The following SUGCT variants were observed in gnomAD, a reference collection of about 807,000 sequenced individuals.
SUGCT encodes the protein succinyl-CoA:glutarate-CoA transferase, also known as succinyl-CoA:glutarate CoA-transferase.
In SUGCT, 41 loss-of-function variants were observed where a neutral mutation model predicts 55.0. The ratio of observed to expected loss-of-function variants is 0.74; its 90% CI spans 0.58 to 0.97. The LOEUF (loss-of-function observed/expected upper bound fraction) is 0.97. Ranked by LOEUF, SUGCT falls within the 50% of genes least tolerant of loss-of-function variation. SUGCT has a pLI of 0.00. For synonymous variants in SUGCT, 187 were observed against 200.4 expected (o/e 0.93, Z 0.56); for missense variants, 568 against 547.8 (o/e 1.04, Z -0.37).
intron 1 of SUGCT, among the ~76,000 whole-genome samples, chr7:40,174,880 A>G (rs745864774): frequency 2.0e-5 from 3 of 152,220 alleles, no homozygotes; most frequent in African/African-American, 4.8e-5. Flanking sequence ...TCCACAATGT[A>G]TGAAAGTGTC....
At chr7:40,409,367 G>A (rs550449446) in intron 9 of SUGCT, among the ~76,000 whole-genome samples, 1 of 152,104 alleles carries the variant, frequency 6.6e-6, no homozygotes, top group Admixed American at 6.6e-5. Context: ...GGGCTCAAGT[G>A]ATCCTCCCAC....
chr7:40,684,118 T>A lies in SUGCT; in HGVS notation c.1090-65316T>A, dbSNP rs1048311055. 1.2e-6 allele frequency: 2 copies of A among 1,610,030 alleles called. No homozygotes were observed. Among genetic ancestry groups the A allele is most frequent in the Admixed American group, 1.7e-5 (1 of 59,450 alleles). On this transcript the variant is annotated intron_variant, in intron 12 of 13. Coordinates refer to ENST00000335693, the MANE Select transcript of SUGCT (RefSeq NM_001193313.2). Reference sequence around the variant, plus strand: ...TGGCCCATGGCCCCTTCCTTCATCTTCAAGGATCAGCAAGGGTGAGTTGAG... The same window carrying A: ...TGGCCCATGGCCCCTTCCTTCATCTACAAGGATCAGCAAGGGTGAGTTGAG...
chr7:40,632,108 T>G (rs1288933078), intron 12 of SUGCT, among the ~76,000 whole-genome samples: 4 of 152,176 alleles, frequency 2.6e-5, no homozygotes, highest in African/African-American at 9.7e-5. Context: ...TTATACATAC[T>G]GTGTCCACCA....
At chr7:41,034,423 C>T in the SUGCT span, among the ~76,000 whole-genome samples, 3 of 152,048 alleles carry the variant, frequency 2.0e-5, no homozygotes, top group Non-Finnish European at 4.4e-5. Context: ...TGTTTAGAGC[C>T]GAGTCTGAGC....
chr7:40,519,040 A>G (rs1388167345), intron 12 of SUGCT, among the ~76,000 whole-genome samples: 1 of 152,112 alleles, frequency 6.6e-6, no homozygotes, highest in East Asian at 1.9e-4. Flanking sequence ...TAAGACACCA[A>G]TATCATGTAT....
chr7:40,645,126 A>G (rs944190832), intron 12 of SUGCT, among the ~76,000 whole-genome samples: 3 of 152,102 alleles, frequency 2.0e-5, no homozygotes, highest in African/African-American at 7.2e-5. Context: ...GTTAGTCAGC[A>G]CCTACCTCGC....
intron 10 of SUGCT, among the ~76,000 whole-genome samples, chr7:40,453,965 T>C (rs536060094): frequency 4.9e-4 from 75 of 152,206 alleles, no homozygotes; most frequent in Admixed American, 2.6e-4. Context: ...ATATAAGATA[T>C]GAAGAAGAAC....
intron 9 of SUGCT, among the ~76,000 whole-genome samples, chr7:40,353,874 G>A (rs570294123): frequency 6.6e-6 from 1 of 152,158 alleles, no homozygotes; most frequent in South Asian, 2.1e-4. Context: ...GGCTCCTGTA[G>A]CAGTTCATCT....
chr7:40,576,672 G>A (rs1796784671), intron 12 of SUGCT, among the ~76,000 whole-genome samples: 1 of 152,210 alleles, frequency 6.6e-6, no homozygotes, highest in African/African-American at 2.4e-5. Context: ...ATAGGCAACA[G>A]CTTGGCTGAG....
At chr7:40,961,382 G>T in the SUGCT span, among the ~76,000 whole-genome samples, 1 of 152,280 alleles carries the variant, frequency 6.6e-6, no homozygotes, top group East Asian at 1.9e-4. Flanking sequence ...GAGTGAGGGA[G>T]TGTGACCAAA....
intron 6 of SUGCT, among the ~76,000 whole-genome samples, chr7:40,200,181 A>G (rs1786511752): frequency 6.6e-6 from 1 of 152,184 alleles, no homozygotes; most frequent in South Asian, 2.1e-4. Flanking sequence ...CCTACCCCCA[A>G]ACAACTATTT....
chr7:40,749,850 G>C (rs552661297), intron 13 of SUGCT, among the ~76,000 whole-genome samples: 1 of 152,296 alleles, frequency 6.6e-6, no homozygotes, highest in African/African-American at 2.4e-5. Flanking sequence ...GTTCATATGA[G>C]AATTGGAAAG....
intron 9 of SUGCT, 100 bp downstream of exon 9, chr7:40,316,955 G>GTTTTT (rs56989808): frequency 0.088 from 16,532 of 186,902 alleles, 1,239 homozygotes; most frequent in Non-Finnish European, 0.11. Context: ...TCCTTCAGCT[G>GTTTTT]TTTTTTTTTT....
At chr7:40,383,578 T>C (rs1583565481) in intron 9 of SUGCT, among the ~76,000 whole-genome samples, 1 of 152,308 alleles carries the variant, frequency 6.6e-6, no homozygotes, top group East Asian at 1.9e-4. Flanking sequence ...TTCCCATCTA[T>C]TGGGAAATAC....
At chr7:40,682,676 C>T (rs188210646) in intron 12 of SUGCT, among the ~76,000 whole-genome samples, 1 of 152,004 alleles carries the variant, frequency 6.6e-6, no homozygotes, top group East Asian at 1.9e-4. Flanking sequence ...TGTTTTTTTT[C>T]TATGTCTATT....
intron 13 of SUGCT, among the ~76,000 whole-genome samples, chr7:40,779,578 A>G (rs923487944): frequency 1.3e-5 from 2 of 152,214 alleles, no homozygotes; most frequent in Non-Finnish European, 2.9e-5. Context: ...GTCGAAGCCC[A>G]TCACTGGGGG....
At chr7:41,024,482 G>A in the SUGCT span, among the ~76,000 whole-genome samples, 8 of 152,106 alleles carry the variant, frequency 5.3e-5, no homozygotes, top group East Asian at 3.9e-4. Flanking sequence ...CTTATAAAGC[G>A]CTTTCTCATA....
chr7:40,548,186 C>CT (rs1186226631), intron 12 of SUGCT, among the ~76,000 whole-genome samples: 5,211 of 105,094 alleles, frequency 0.05, 155 homozygotes, highest in African/African-American at 0.08. Context: ...TTCTTTCTTT[C>CT]TTTTTTTTTT....
At chr7:40,278,895 T>C (rs1486318878) in intron 8 of SUGCT, among the ~76,000 whole-genome samples, 1 of 151,822 alleles carries the variant, frequency 6.6e-6, no homozygotes, top group Non-Finnish European at 1.5e-5. Context: ...GGTGCAATGA[T>C]AGCTCACTGA....
Sources: gnomAD v4.1 joint callset for allele counts (sites outside exome capture counted in the v4.1 genomes callset) on GRCh38, gnomAD v4.1.1 for gene constraint, MANE v1.5 for transcripts, NCBI Gene and HGNC (gene_info 2026-07-23, HGNC 2026-07-21) for gene names.